The following PPP2R1A variants were observed in gnomAD, a reference collection of about 807,000 sequenced individuals.
The protein encoded by PPP2R1A is serine/threonine-protein phosphatase 2A 65 kDa regulatory subunit A alpha isoform.
A neutral mutation model predicts 67.1 loss-of-function variants in PPP2R1A; 15 were observed. That is an observed-to-expected ratio of 0.22 (90% CI 0.15 to 0.34). The LOEUF is 0.34. Ranked by LOEUF, PPP2R1A falls within the 10% of genes least tolerant of loss-of-function variation. The probability of loss-of-function intolerance (pLI) is 1.00; values close to 1 mark genes in which losing one functional copy is unlikely to be tolerated. For synonymous variants in PPP2R1A, 337 were observed against 325.0 expected (o/e 1.04, Z -0.40); for missense variants, 369 against 775.0 (o/e 0.48, Z 6.22).
intron 12 of PPP2R1A, among the ~76,000 whole-genome samples, 163 bp downstream of exon 12, chr19:52,221,296 G>A (rs150793260): frequency 4.6e-5 from 7 of 152,320 alleles, no homozygotes; most frequent in African/African-American, 1.4e-4. Flanking sequence ...CAGGCAAGGG[G>A]GTGGGGCTCC....
chr19:52,211,151 A>AG lies in PPP2R1A; in HGVS notation c.271-106dup. Reference sequence around the variant, plus strand: ...TTTAATGAAGGTCGGGATGGGTAATAGGGAAGTTTTCTCTGAGGAGATGAG... The same window carrying AG: ...TTTAATGAAGGTCGGGATGGGTAATAGGGGAAGTTTTCTCTGAGGAGATGAG... On this transcript the variant is annotated intron_variant, in intron 3 of 14. Coordinates refer to ENST00000322088, the MANE Select transcript of PPP2R1A (RefSeq NM_014225.6). This position sits in a 1 kb window ranked among gnomAD's most constrained non-coding sequence, Gnocchi z 5.3. 1.0e-6 allele frequency: 1 copy of AG among 982,348 alleles called. No individual in the cohort carries two copies. Among genetic ancestry groups the AG allele is most frequent in the Non-Finnish European group, 1.5e-6 (1 of 663,342 alleles). The allele number at this position is 982,348 out of a possible 1,614,324, so 60.9% of individuals were successfully genotyped here. A position where few individuals can be genotyped will look rare whatever the true frequency, so the allele number is the denominator to read the frequency against.
chr19:52,217,221 T>G (rs1978631924), intron 9 of PPP2R1A, among the ~76,000 whole-genome samples: 1 of 152,316 alleles, frequency 6.6e-6, no homozygotes, highest in East Asian at 1.9e-4. Context: ...TGTTTTGAGA[T>G]AGGGTCTTGC....
intron 9 of PPP2R1A, among the ~76,000 whole-genome samples, chr19:52,217,472 T>G (rs1978646578): frequency 6.6e-6 from 1 of 152,184 alleles, no homozygotes; most frequent in Admixed American, 6.5e-5. Context: ...GGCCTGGGAT[T>G]ATAGGCGTGA....
chr19:52,223,019 C>T lies in PPP2R1A; in HGVS notation c.1661+778C>T, dbSNP rs113111619. Among the ~76,000 whole-genome samples the T allele has an allele frequency of 6.2e-3, 948 of 152,276 alleles. 10 individuals are homozygous for T. The highest frequency in any genetic ancestry group is 0.021 in the African/African-American group (874 of 41,542). ...CTAATGAACAAAGTTGTCTGATTTA[C>T]ACTACCAGAGACGAAGACTTATGAC... On this transcript the variant is annotated intron_variant, in intron 13 of 14. Coordinates refer to ENST00000322088, the MANE Select transcript of PPP2R1A (RefSeq NM_014225.6).
At position 52,221,149 on chromosome 19, in the gene PPP2R1A, GCCTGCTGGCCCATCCCTAGGGAACT is replaced by G; in HGVS notation, c.1518+17_1518+41del. ...CTGCATCAATGTGAGCCTTCCACCT[GCCTGCTGGCCCATCCCTAGGGAACT>G]GGAGCGCGTGGGAGAGGAGGGATGC... On this transcript the variant is annotated intron_variant, in intron 12 of 14. Coordinates refer to ENST00000322088, the MANE Select transcript of PPP2R1A (RefSeq NM_014225.6). 6.2e-7 allele frequency: 1 copy of G among 1,614,042 alleles called. No homozygotes were observed. Among genetic ancestry groups the G allele is most frequent in the Non-Finnish European group, 8.5e-7 (1 of 1,179,920 alleles).
At chr19:52,203,636 C>G (rs2089573688) in intron 2 of PPP2R1A, among the ~76,000 whole-genome samples, 1 of 152,158 alleles carries the variant, frequency 6.6e-6, no homozygotes, top group African/African-American at 2.4e-5. Context: ...GACCATATGT[C>G]TGGGTTTTTT....
At chr19:52,203,273 G>A (rs116719998) in intron 2 of PPP2R1A, among the ~76,000 whole-genome samples, 144 of 152,304 alleles carry the variant, frequency 9.5e-4, no homozygotes, top group African/African-American at 3.4e-3. Context: ...GGTGCATGAA[G>A]AGTAGGTGTC....
At chr19:52,199,860 A>G (rs2089530819) in intron 1 of PPP2R1A, among the ~76,000 whole-genome samples, 1 of 152,148 alleles carries the variant, frequency 6.6e-6, no homozygotes, top group Non-Finnish European at 1.5e-5. Context: ...TTTTAGCTGA[A>G]AATCAGTTGC....
intron 13 of PPP2R1A, among the ~76,000 whole-genome samples, chr19:52,224,508 T>TA (rs763736632): frequency 1.3e-5 from 2 of 152,184 alleles, no homozygotes; most frequent in African/African-American, 2.4e-5. Context: ...TCACTCCTAA[T>TA]ACATTGTAGG....
intron 1 of PPP2R1A, 122 bp downstream of exon 1, chr19:52,190,296 T>G: frequency 8.6e-7 from 1 of 1,163,680 alleles, no homozygotes; most frequent in Non-Finnish European, 1.2e-6. Flanking sequence ...CCAATCAGCG[T>G]GCGTCTCTTA....
rs1341636248 is a variant in PPP2R1A, at chr19:52,226,217, G to T, written c.*236G>T. The T allele has an allele frequency of 3.1e-5, 19 of 607,408 alleles. No homozygotes were observed. The highest frequency in any genetic ancestry group is 5.1e-5 in the Non-Finnish European group (18 of 350,292). 37.6% of individuals were successfully genotyped at this position (607,408 alleles called of 1,614,324 possible). Reference sequence around the variant, plus strand: ...ACAGGACAGTGACCTTGGGAGGAAGGGGCTACTCCGCCCACGTCAGGGAGA... The same window carrying T: ...ACAGGACAGTGACCTTGGGAGGAAGTGGCTACTCCGCCCACGTCAGGGAGA... On this transcript the variant is annotated 3_prime_UTR_variant, in exon 15 of 15. Transcript: ENST00000322088.
intron 7 of PPP2R1A, 41 bp downstream of exon 7, chr19:52,215,934 T>C: frequency 6.2e-7 from 1 of 1,611,298 alleles, no homozygotes; most frequent in East Asian, 2.2e-5. Flanking sequence ...GGGGTGGGTA[T>C]CCAAGGGGCT....
chr19:52,202,054 G>T lies in PPP2R1A; in HGVS notation c.169+20G>T. ...TTACAGGTAACAAAGGGGACCCCTG[G>T]GGCCCAGATGTGGGGACTCTTGGGA... is the stretch of plus-strand genomic sequence containing the variant. On this transcript the variant is annotated intron_variant, in intron 2 of 14. Transcript: ENST00000322088. The T allele has an allele frequency of 8.1e-6, 13 of 1,602,842 alleles. No individual in the cohort carries two copies. The highest frequency in any genetic ancestry group is 1.0e-5 in the Non-Finnish European group (12 of 1,169,846).
chr19:52,217,148 C>A (rs1002346564), intron 9 of PPP2R1A, among the ~76,000 whole-genome samples: 1 of 152,138 alleles, frequency 6.6e-6, no homozygotes, highest in Admixed American at 6.5e-5. Context: ...CAAGATTGCA[C>A]CACTGCACTC....
chr19:52,195,560 C>T (rs1379935079), intron 1 of PPP2R1A, among the ~76,000 whole-genome samples: 1 of 152,208 alleles, frequency 6.6e-6, no homozygotes, highest in Non-Finnish European at 1.5e-5. Flanking sequence ...CCCTCGCCTT[C>T]AGTTGCCATT....
chr19:52,215,744 C>A, intron 6 of PPP2R1A, 35 bp from the exon 7 acceptor site: 2 of 1,578,154 alleles, frequency 1.3e-6, no homozygotes, highest in South Asian at 2.2e-5. Flanking sequence ...ACTGCCAGCC[C>A]CTCTCACTCT....
intron 9 of PPP2R1A, among the ~76,000 whole-genome samples, chr19:52,218,069 C>G (rs113569237): frequency 0.01 from 1,531 of 152,236 alleles, 27 homozygotes; most frequent in East Asian, 0.061. Context: ...CGGAAGGATT[C>G]AAGATTGTTC....
intron 3 of PPP2R1A, among the ~76,000 whole-genome samples, chr19:52,210,559 C>G (rs2089657164): frequency 6.9e-6 from 1 of 145,282 alleles, no homozygotes; most frequent in African/African-American, 2.6e-5. Flanking sequence ...GTGGTGCGAT[C>G]TCGGCTTACT....
At chr19:52,225,314 G>A (rs201999524) in intron 13 of PPP2R1A, among the ~76,000 whole-genome samples, 2 of 151,986 alleles carry the variant, frequency 1.3e-5, no homozygotes, top group African/African-American at 2.4e-5. Flanking sequence ...GAGCCACCAC[G>A]TCCGGCCTGA....
Sources: allele counts gnomAD v4.1 joint callset (sites outside exome capture counted in the v4.1 genomes callset), GRCh38; gene constraint gnomAD v4.1.1; non-coding constraint Gnocchi (gnomAD v3.1); transcripts MANE v1.5; gene names NCBI Gene and HGNC (gene_info 2026-07-23, HGNC 2026-07-21).